Variants in F8 observed in about 807,000 individuals in gnomAD.
F8 encodes the protein coagulation factor VIII, also known as antihemophilic factor.
In F8, 12 loss-of-function variants were observed where a neutral mutation model predicts 140.6. The observed-to-expected ratio is 0.09, with a 90% CI of 0.05 to 0.14. The LOEUF is 0.14. Among genes scored for constraint, F8 ranks in the 10% least tolerant of loss-of-function variants. F8 has a pLI of 1.00. For synonymous variants in F8, 585 were observed against 614.6 expected (o/e 0.95, Z 0.71); for missense variants, 1,354 against 1,720.7 (o/e 0.79, Z 3.77).
chrX:154,994,795 A>G (rs2073607881), intron 3 of F8, among the ~76,000 whole-genome samples: 1 of 111,751 alleles, frequency 8.9e-6, no homozygotes, highest in Non-Finnish European at 1.9e-5. Flanking sequence ...TCAGAAAAAA[A>G]TCACTGGGAT....
At position 155,022,679 on chromosome X, in the gene F8, A is replaced by G. The variant is rs2073766335; in HGVS notation, c.-127T>C. 8.6e-7 allele frequency: 1 copy of G among 1,158,035 alleles called. No individual in the cohort carries two copies. The highest frequency in any genetic ancestry group is 1.1e-6 in the Non-Finnish European group (1 of 873,129). On this transcript the variant is annotated 5_prime_UTR_variant, in exon 1 of 26. Coordinates refer to ENST00000360256, the MANE Select transcript of F8 (RefSeq NM_000132.4). Reference sequence around the variant, plus strand: ...ATGAAAAGTCCCAATTTCTTTGCAGAGCATTTTAAGGAACTTTACCCACTG... The same window carrying G: ...ATGAAAAGTCCCAATTTCTTTGCAGGGCATTTTAAGGAACTTTACCCACTG...
At position 154,931,490 on chromosome X, in the gene F8, T is replaced by C. The variant is rs782036768; in HGVS notation, c.2300A>G (p.His767Arg). ...AAATTGCTTTTGCCTAGTGCTAGGG[T>C]GTCTTGAATTCTGGGAGAAGCTTCT... ...EPRSFSQNSR[H>R]PSTRQKQFNA... is the part of the protein sequence containing the mutation. Residue 767 changes from histidine to arginine, a missense_variant, in exon 14 of 26, where the codon CAC (histidine) becomes CGC (arginine). His to Arg is a conservative substitution (Grantham distance 29). Transcript: ENST00000360256. The C allele has an allele frequency of 1.4e-5, 17 of 1,210,273 alleles. No individual in the cohort carries two copies. The highest frequency in any genetic ancestry group is 1.8e-5 in the Non-Finnish European group (16 of 895,116).
chrX:154,948,568 A>G (rs1307749046), intron 12 of F8, among the ~76,000 whole-genome samples: 1 of 112,391 alleles, frequency 8.9e-6, no homozygotes, highest in Non-Finnish European at 1.9e-5. Context: ...ACATTTGTGA[A>G]TCTGGGTAAA....
chrX:154,846,604 CT>C (rs1286705300), intron 25 of F8, among the ~76,000 whole-genome samples: 5 of 111,560 alleles, frequency 4.5e-5, no homozygotes, highest in Non-Finnish European at 9.4e-5. Flanking sequence ...ATTGCAACCC[CT>C]GCTTTTCTTT....
chrX:154,859,428 G>A (rs1295237883), intron 25 of F8, among the ~76,000 whole-genome samples: 2 of 106,243 alleles, frequency 1.9e-5, no homozygotes, highest in East Asian at 3.0e-4. Flanking sequence ...TCAGCCTCCC[G>A]AGTAGCTGGG....
chrX:154,908,288 T>C (rs1557276479), intron 14 of F8, among the ~76,000 whole-genome samples: 1 of 112,453 alleles, frequency 8.9e-6, no homozygotes, highest in Non-Finnish European at 1.9e-5. Flanking sequence ...TCTATTCTAT[T>C]TCATTTACCT....
chrX:154,895,219 T>C (rs1225345655), intron 22 of F8, among the ~76,000 whole-genome samples: 1 of 112,095 alleles, frequency 8.9e-6, no homozygotes, highest in Admixed American at 9.5e-5. Context: ...AGGTAACCTG[T>C]TGATGTATTC....
chrX:154,847,955 TG>T (rs1357783035), intron 25 of F8, among the ~76,000 whole-genome samples: 1 of 112,961 alleles, frequency 8.9e-6, no homozygotes, highest in African/African-American at 3.2e-5. Context: ...GATGTACAGA[TG>T]GGGTTTTGGT....
At chrX:154,855,231 A>G (rs1306746001) in intron 25 of F8, among the ~76,000 whole-genome samples, 4 of 112,164 alleles carry the variant, frequency 3.6e-5, no homozygotes, top group Non-Finnish European at 5.6e-5. Context: ...TATTTGTCAA[A>G]CTAATGAATA....
intron 22 of F8, chrX:154,888,162 A>G: frequency 1.1e-5 from 1 of 88,775 alleles, no homozygotes. Flanking sequence ...TCCAGGATGT[A>G]TTCGTTCCTT....
intron 22 of F8, among the ~76,000 whole-genome samples, chrX:154,877,041 C>T (rs188338832): frequency 3.7e-4 from 41 of 111,878 alleles, no homozygotes; most frequent in Admixed American, 2.8e-3. Context: ...ATGTAAAATG[C>T]CATTCCGTTT....
chrX:155,006,474 T>C (rs1329244653), intron 1 of F8, among the ~76,000 whole-genome samples: 1 of 23,920 alleles, frequency 4.2e-5, no homozygotes. Context: ...AATGTGATGT[T>C]TGGACTGCAA....
chrX:154,993,027 T>C lies in F8; in HGVS notation c.510A>G (p.Pro170=). 8.3e-7 allele frequency: 1 copy of C among 1,211,797 alleles called. No individual in the cohort carries two copies. Among genetic ancestry groups the C allele is most frequent in the Non-Finnish European group, 1.1e-6 (1 of 895,359 alleles). Residue 170 remains proline (P), a synonymous_variant, in exon 4 of 26, where the codon CCA becomes CCG. Transcript: ENST00000360256. ...LKENGPMASD[P]LCLTYSYLSH... Reference sequence around the variant, plus strand: ...AAAGATATGAGTAGGTAAGGCACAGTGGGTCAGAGGCCATTGGACCATTCT... The same window carrying C: ...AAAGATATGAGTAGGTAAGGCACAGCGGGTCAGAGGCCATTGGACCATTCT...
At chrX:154,954,267 T>C (rs143722378) in intron 11 of F8, among the ~76,000 whole-genome samples, 2 of 111,872 alleles carry the variant, frequency 1.8e-5, no homozygotes, top group East Asian at 5.6e-4. Flanking sequence ...AGAGGGTGAC[T>C]GATCCCACTG....
At chrX:154,903,784 T>G (rs887532975) in intron 18 of F8, 122 bp downstream of exon 18, 3 of 560,601 alleles carry the variant, frequency 5.4e-6, no homozygotes, top group African/African-American at 2.3e-5. Context: ...TGAAAAAGTA[T>G]TACTTAAGAG....
chrX:154,845,173 G>T (rs1603431134), intron 25 of F8, among the ~76,000 whole-genome samples: 1 of 111,786 alleles, frequency 8.9e-6, no homozygotes, highest in African/African-American at 3.3e-5. Context: ...GCTTTTTGAT[G>T]TGCTGCTGGA....
intron 1 of F8, among the ~76,000 whole-genome samples, chrX:155,004,717 A>G (rs1557285950): frequency 8.9e-6 from 1 of 111,966 alleles, no homozygotes. Flanking sequence ...GGCCTCACAG[A>G]ATATTTGATC....
chrX:154,949,609 C>T (rs956764204), intron 12 of F8, among the ~76,000 whole-genome samples: 1 of 111,829 alleles, frequency 8.9e-6, no homozygotes, highest in Non-Finnish European at 1.9e-5. Flanking sequence ...ATACCACAGA[C>T]TGGGAGGTGT....
At chrX:155,015,779 C>T (rs2073731151) in intron 1 of F8, among the ~76,000 whole-genome samples, 1 of 112,162 alleles carries the variant, frequency 8.9e-6, no homozygotes, top group Non-Finnish European at 1.9e-5. Flanking sequence ...GCAACATACT[C>T]ATGTAACAAA....
Sources: allele counts gnomAD v4.1 joint callset (sites outside exome capture counted in the v4.1 genomes callset), GRCh38; gene constraint gnomAD v4.1.1; transcripts MANE v1.5; gene names NCBI Gene and HGNC (gene_info 2026-07-23, HGNC 2026-07-21).